ULK4: variants seen among roughly 807,000 people sequenced by gnomAD.
ULK4 encodes the protein unc-51 like kinase 4.
Under a neutral mutation model 160.6 loss-of-function variants are expected in ULK4, and 133 were observed. The ratio of observed to expected loss-of-function variants is 0.83; its 90% CI spans 0.72 to 0.96. ULK4 has a LOEUF of 0.96. Among genes scored for constraint, ULK4 ranks in the 40% least tolerant of loss-of-function variants. The probability of loss-of-function intolerance (pLI) is 0.00; values close to 1 mark genes in which losing one functional copy is unlikely to be tolerated. For missense variants in ULK4, 1,580 were observed against 1,499.5 expected (o/e 1.05, Z -0.89); for synonymous variants, 534 against 539.8 (o/e 0.99, Z 0.15).
At chr3:41,743,954 A>T (rs1293494377) in intron 22 of ULK4, among the ~76,000 whole-genome samples, 1 of 151,950 alleles carries the variant, frequency 6.6e-6, no homozygotes, top group East Asian at 1.9e-4. Flanking sequence ...AAAAGAAAGT[A>T]GGGAAAATAA....
Position 41,772,228 on chromosome 3 carries a change from C to G in ULK4, c.2193+17433G>C, listed in dbSNP as rs145650587. 4.1e-3 allele frequency among the ~76,000 whole-genome samples: 629 copies of G among 152,190 alleles called. 7 individuals are homozygous for G. The highest frequency in any genetic ancestry group is 0.02 in the Middle Eastern group (6 of 294). On this transcript the variant is annotated intron_variant, in intron 21 of 36. Coordinates refer to ENST00000301831, the MANE Select transcript of ULK4 (RefSeq NM_017886.4). ...AGAAATAACTATGATCAGAGCAGAA[C>G]TGAAGGAGATAGAGACACAAAAAAC...
At chr3:41,558,032 C>T (rs915227598) in intron 32 of ULK4, among the ~76,000 whole-genome samples, 1 of 152,090 alleles carries the variant, frequency 6.6e-6, no homozygotes, top group African/African-American at 2.4e-5. Flanking sequence ...TAAATTGGCA[C>T]ATTACTTAGA....
intron 9 of ULK4, among the ~76,000 whole-genome samples, chr3:41,912,513 A>G (rs549511241): frequency 1.3e-5 from 2 of 152,306 alleles, no homozygotes; most frequent in African/African-American, 4.8e-5. Context: ...TAAAGAGGAG[A>G]AAAAAGATCC....
At chr3:41,762,276 C>CT (rs928480049) in intron 21 of ULK4, among the ~76,000 whole-genome samples, 7 of 152,050 alleles carry the variant, frequency 4.6e-5, no homozygotes, top group Admixed American at 3.3e-4. Flanking sequence ...ACCACCCCCA[C>CT]TCTCCCTTCC....
chr3:41,416,108 A>G (rs1416394391), intron 34 of ULK4, among the ~76,000 whole-genome samples: 1 of 152,220 alleles, frequency 6.6e-6, no homozygotes, highest in African/African-American at 2.4e-5. Flanking sequence ...CAGCAGTAAC[A>G]ATAGGAACAC....
chr3:41,556,109 G>A (rs1045364239), intron 32 of ULK4, among the ~76,000 whole-genome samples: 5 of 152,080 alleles, frequency 3.3e-5, no homozygotes, highest in African/African-American at 1.2e-4. Flanking sequence ...GACATAATCT[G>A]TACAATAAAC....
chr3:41,894,756 C>G (rs1421319543), intron 16 of ULK4, among the ~76,000 whole-genome samples: 1 of 152,180 alleles, frequency 6.6e-6, no homozygotes, highest in South Asian at 2.1e-4. Flanking sequence ...TTGATCCACA[C>G]CCAGGTCTGT....
intron 32 of ULK4, among the ~76,000 whole-genome samples, chr3:41,479,992 G>A (rs2084264961): frequency 6.6e-6 from 1 of 152,096 alleles, no homozygotes; most frequent in Non-Finnish European, 1.5e-5. Flanking sequence ...CGGATCGAGA[G>A]GTCAGGAGAT....
At chr3:41,796,787 G>C (rs2040312471) in intron 20 of ULK4, among the ~76,000 whole-genome samples, 1 of 152,120 alleles carries the variant, frequency 6.6e-6, no homozygotes, top group Non-Finnish European at 1.5e-5. Context: ...CCCAGGGAAT[G>C]AACACAAAGA....
chr3:41,842,161 A>T (rs1469901063), intron 17 of ULK4, among the ~76,000 whole-genome samples: 2 of 150,046 alleles, frequency 1.3e-5, no homozygotes, highest in Non-Finnish European at 3.0e-5. Context: ...AAAGAAAATA[A>T]CGCTGCAATG....
intron 30 of ULK4, among the ~76,000 whole-genome samples, chr3:41,621,598 T>C (rs1029416495): frequency 1.3e-5 from 2 of 152,156 alleles, no homozygotes; most frequent in Non-Finnish European, 2.9e-5. Context: ...CCTTACACTT[T>C]ATACAAAAAT....
At chr3:41,481,643 C>T (rs1341532141) in intron 32 of ULK4, among the ~76,000 whole-genome samples, 3 of 151,444 alleles carry the variant, frequency 2.0e-5, no homozygotes, top group Admixed American at 1.3e-4. Flanking sequence ...CCGGCTAAAA[C>T]GGTGAAACCC....
chr3:41,617,003 TAAG>T (rs1369046624), intron 30 of ULK4, among the ~76,000 whole-genome samples: 2 of 152,156 alleles, frequency 1.3e-5, no homozygotes, highest in Non-Finnish European at 2.9e-5. Flanking sequence ...CTGACAGTGC[TAAG>T]AAGCCTGGGC....
Position 41,886,437 on chromosome 3 carries a change from AAAGT to A in ULK4, c.1578-2489_1578-2486del, listed in dbSNP as rs1280870182. Among the ~76,000 whole-genome samples the A allele has an allele frequency of 2.6e-5, 4 of 152,196 alleles. No homozygotes were observed. In the East Asian group the frequency reaches 5.8e-4, roughly 22 times the overall value. ...CACACTAGTAGAAAAAAAGTGCATAAAAGTAAGGCTGTACAAGGCAAACAAAAGG... is the reference window on the plus strand; with the variant it reads ...CACACTAGTAGAAAAAAAGTGCATAAAAGGCTGTACAAGGCAAACAAAAGG... On this transcript the variant is annotated intron_variant, in intron 16 of 36. Coordinates refer to ENST00000301831, the MANE Select transcript of ULK4 (RefSeq NM_017886.4).
chr3:41,500,224 G>GTT (rs34408113), intron 32 of ULK4, among the ~76,000 whole-genome samples: 17 of 138,494 alleles, frequency 1.2e-4, no homozygotes, highest in East Asian at 2.1e-4. Flanking sequence ...TTCCTTCAGG[G>GTT]TTTTTTTTTT....
intron 35 of ULK4, among the ~76,000 whole-genome samples, chr3:41,369,793 CA>C (rs555783980): frequency 0.019 from 1,824 of 97,950 alleles, 9 homozygotes; most frequent in East Asian, 0.043. Context: ...GACTATGTCT[CA>C]AAAAAAAAAA....
chr3:41,714,153 A>T (rs527337844), intron 25 of ULK4, among the ~76,000 whole-genome samples: 2 of 152,348 alleles, frequency 1.3e-5, no homozygotes, highest in South Asian at 2.1e-4. Flanking sequence ...CATAATTTGC[A>T]AATTCATAAA....
chr3:41,519,533 C>T (rs566344944), intron 32 of ULK4, among the ~76,000 whole-genome samples: 4 of 152,298 alleles, frequency 2.6e-5, no homozygotes, highest in East Asian at 1.9e-4. Context: ...TGGGACACCA[C>T]ACAGTTGTCC....
Position 41,845,187 on chromosome 3 carries a change from G to C in ULK4, c.1657-9216C>G, listed in dbSNP as rs182050666. Among the ~76,000 whole-genome samples the C allele has an allele frequency of 1.2e-3, 188 of 152,176 alleles. 1 individual carries two copies. Among genetic ancestry groups the C allele is most frequent in the African/African-American group, 4.1e-3 (169 of 41,542 alleles). Reference sequence around the variant, plus strand: ...TCACCGTGTTAGCCAGGATGGTCTCGATCTCCTGACCTCGTGATCCACCCG... The same window carrying C: ...TCACCGTGTTAGCCAGGATGGTCTCCATCTCCTGACCTCGTGATCCACCCG... On this transcript the variant is annotated intron_variant, in intron 17 of 36. Coordinates refer to ENST00000301831, the MANE Select transcript of ULK4 (RefSeq NM_017886.4).
Sources: gnomAD v4.1 joint callset for allele counts (sites outside exome capture counted in the v4.1 genomes callset) on GRCh38, gnomAD v4.1.1 for gene constraint, MANE v1.5 for transcripts, NCBI Gene and HGNC (gene_info 2026-07-23, HGNC 2026-07-21) for gene names.